PBX1: variants seen among roughly 807,000 people sequenced by gnomAD.
PBX1 encodes the protein PBX homeobox 1, also known as pre-B-cell leukemia transcription factor 1.
Under a neutral mutation model 53.4 loss-of-function variants are expected in PBX1, and 6 were observed. That is an observed-to-expected ratio of 0.11 (90% CI 0.06 to 0.22). The LOEUF (loss-of-function observed/expected upper bound fraction) is 0.22, where lower values mean the gene tolerates loss of function less well. Among genes scored for constraint, PBX1 ranks in the 10% least tolerant of loss-of-function variants. The pLI, the probability that PBX1 is intolerant of heterozygous loss-of-function variation, is 1.00. For synonymous variants in PBX1, 204 were observed against 212.3 expected (o/e 0.96, Z 0.34); for missense variants, 251 against 551.4 (o/e 0.46, Z 5.46).
At chr1:164,696,298 C>G in intron 2 of PBX1, among the ~76,000 whole-genome samples, 1 of 151,810 alleles carries the variant, frequency 6.6e-6, no homozygotes, top group Non-Finnish European at 1.5e-5. Context: ...CTGGTAACCA[C>G]CTAGATATGG....
Position 164,842,037 on chromosome 1 carries a change from T to C in PBX1, c.1201-4547T>C, listed in dbSNP as rs533466338. Among the ~76,000 whole-genome samples, 6 of 152,284 alleles carry C rather than the reference T, an allele frequency of 3.9e-5. No homozygotes were observed. The South Asian group carries it at 8.3e-4, about 21-fold the overall frequency. ...TTGGGCTGTCACATCAGGTGATGAATTCTCTGCATCAACCGTGTGCTGCTA... is the reference window on the plus strand; with the variant it reads ...TTGGGCTGTCACATCAGGTGATGAACTCTCTGCATCAACCGTGTGCTGCTA... On this transcript the variant is annotated intron_variant, in intron 8 of 8. Coordinates refer to ENST00000420696, the MANE Select transcript of PBX1 (RefSeq NM_002585.4).
At chr1:164,640,919 T>C (rs1300328339) in intron 2 of PBX1, 1 of 152,430 alleles carries the variant, frequency 6.6e-6, no homozygotes, top group Admixed American at 6.5e-5. Context: ...TGTTAATAGC[T>C]TGACCTCTCT....
chr1:164,693,469 G>A (rs1241594805), intron 2 of PBX1, among the ~76,000 whole-genome samples: 1 of 152,210 alleles, frequency 6.6e-6, no homozygotes, highest in Non-Finnish European at 1.5e-5. Context: ...TTTATGGCAT[G>A]CTTTAGGTAG....
intron 2 of PBX1, among the ~76,000 whole-genome samples, chr1:164,729,732 C>A (rs903992818): frequency 6.6e-6 from 1 of 152,114 alleles, no homozygotes; most frequent in Non-Finnish European, 1.5e-5. Flanking sequence ...TTTAATCAAC[C>A]TAGGCAGGCA....
At chr1:164,585,891 A>C (rs1286080121) in intron 2 of PBX1, among the ~76,000 whole-genome samples, 1 of 152,200 alleles carries the variant, frequency 6.6e-6, no homozygotes, top group Non-Finnish European at 1.5e-5. Context: ...TAATGAAATA[A>C]ATGTCAATAT....
intron 8 of PBX1, among the ~76,000 whole-genome samples, chr1:164,830,521 G>C (rs1164892994): frequency 6.6e-6 from 1 of 152,226 alleles, no homozygotes; most frequent in East Asian, 1.9e-4. Flanking sequence ...AAATAATATG[G>C]AGGAAGATTT....
chr1:164,824,910 C>A (rs957138291), intron 8 of PBX1, among the ~76,000 whole-genome samples: 1 of 152,172 alleles, frequency 6.6e-6, no homozygotes, highest in Non-Finnish European at 1.5e-5. Flanking sequence ...GCCATAACTT[C>A]CTAATCACTG....
chr1:164,846,963 C>G lies in PBX1; in HGVS notation c.*287C>G. 2 of 1,258,760 alleles carry G rather than the reference C, an allele frequency of 1.6e-6. No individual in the cohort carries two copies. The highest frequency in any genetic ancestry group is 1.0e-6 in the Non-Finnish European group (1 of 995,822). The allele number at this position is 1,258,760 out of a possible 1,614,324, so 78.0% of individuals were successfully genotyped here. ...TGCCCCTGTGCCTCTGTCCTAGACT[C>G]CCGGGGTCCCCGCCCTCTCTCATAT... is the stretch of plus-strand genomic sequence containing the variant. On this transcript the variant is annotated 3_prime_UTR_variant, in exon 9 of 9. Transcript: ENST00000420696.
intron 2 of PBX1, among the ~76,000 whole-genome samples, chr1:164,670,552 C>G (rs775864009): frequency 1.3e-5 from 2 of 152,226 alleles, no homozygotes; most frequent in Admixed American, 1.3e-4. Flanking sequence ...ATCTCAATAG[C>G]CAGCTGACTG....
At chr1:164,826,563 C>G (rs891780325) in intron 8 of PBX1, among the ~76,000 whole-genome samples, 2 of 152,058 alleles carry the variant, frequency 1.3e-5, no homozygotes, top group Admixed American at 1.3e-4. Context: ...CACCACCATG[C>G]CCAGCTAATT....
At chr1:164,738,143 C>T (rs888594065) in intron 2 of PBX1, among the ~76,000 whole-genome samples, 9 of 152,104 alleles carry the variant, frequency 5.9e-5, no homozygotes, top group African/African-American at 1.9e-4. Context: ...TGTGTTTCTT[C>T]GTTCATCCAT....
intron 2 of PBX1, among the ~76,000 whole-genome samples, chr1:164,613,800 A>G (rs1447163052): frequency 1.3e-5 from 2 of 152,010 alleles, no homozygotes; most frequent in African/African-American, 4.8e-5. Flanking sequence ...CTAGCACCTG[A>G]CCAAACTCTT....
At chr1:164,620,239 A>G (rs1456698102) in intron 2 of PBX1, among the ~76,000 whole-genome samples, 1 of 152,164 alleles carries the variant, frequency 6.6e-6, no homozygotes, top group Non-Finnish European at 1.5e-5. Flanking sequence ...AAAAATTTGT[A>G]TTAAGGTACT....
chr1:164,841,879 G>A (rs968772188), intron 8 of PBX1, among the ~76,000 whole-genome samples: 10 of 152,246 alleles, frequency 6.6e-5, no homozygotes, highest in African/African-American at 2.2e-4. Context: ...CCTCACCCAC[G>A]CTGAAGGCAT....
intron 5 of PBX1, among the ~76,000 whole-genome samples, chr1:164,811,251 G>C (rs55710037): frequency 0.022 from 3,367 of 152,242 alleles, 133 homozygotes; most frequent in African/African-American, 0.077. Flanking sequence ...GGGAGCAGAG[G>C]TACCAGATCA....
chr1:164,692,234 A>C (rs1049661880), intron 2 of PBX1, among the ~76,000 whole-genome samples: 1 of 152,224 alleles, frequency 6.6e-6, no homozygotes, highest in Non-Finnish European at 1.5e-5. Flanking sequence ...TAGGCAGCTC[A>C]TACCCAGGCA....
chr1:164,801,276 G>C (rs1387694626), intron 4 of PBX1, among the ~76,000 whole-genome samples: 4 of 152,122 alleles, frequency 2.6e-5, no homozygotes. Flanking sequence ...GTGGCCTGCT[G>C]TCTGCCAGGC....
At chr1:164,819,278 G>A (rs1670026452) in intron 6 of PBX1, 1 of 152,108 alleles carries the variant, frequency 6.6e-6, no homozygotes, top group African/African-American at 2.4e-5. Flanking sequence ...GAGGTGAAAA[G>A]CAGATGGCTA....
chr1:164,619,175 AC>A (rs1432223988), intron 2 of PBX1, among the ~76,000 whole-genome samples: 1 of 152,066 alleles, frequency 6.6e-6, no homozygotes, highest in Non-Finnish European at 1.5e-5. Context: ...CCCTTTTGAA[AC>A]CACCTTTGAT....
Sources: gnomAD v4.1 joint callset for allele counts (sites outside exome capture counted in the v4.1 genomes callset) on GRCh38, gnomAD v4.1.1 for gene constraint, MANE v1.5 for transcripts, NCBI Gene and HGNC (gene_info 2026-07-23, HGNC 2026-07-21) for gene names.